Variants in ABCA1 observed in about 807,000 individuals in gnomAD.
ABCA1 encodes the protein phospholipid-transporting ATPase ABCA1.
Under a neutral mutation model 262.5 loss-of-function variants are expected in ABCA1, and 133 were observed. The ratio of observed to expected loss-of-function variants is 0.51; its 90% CI spans 0.44 to 0.59. ABCA1 has a LOEUF of 0.59. Among genes scored for constraint, ABCA1 ranks in the 20% least tolerant of loss-of-function variants. ABCA1 has a pLI of 0.00. For missense variants in ABCA1, 2,452 were observed against 2,777.5 expected (o/e 0.88, Z 2.63); for synonymous variants, 1,022 against 1,043.5 (o/e 0.98, Z 0.40).
chr9:104,871,116 GGGCTTGAGGGAGA>G (rs1281448502), intron 5 of ABCA1, among the ~76,000 whole-genome samples: 1 of 152,208 alleles, frequency 6.6e-6, no homozygotes, highest in Non-Finnish European at 1.5e-5. Context: ...CCCTATAAAA[GGGCTTGAGGGAGA>G]GGCTTCAGTC....
intron 1 of ABCA1, among the ~76,000 whole-genome samples, chr9:104,910,408 A>G (rs1841422576): frequency 6.6e-6 from 1 of 152,222 alleles, no homozygotes; most frequent in African/African-American, 2.4e-5. Flanking sequence ...CAACTCTTAT[A>G]TGCCCCTTCC....
intron 5 of ABCA1, among the ~76,000 whole-genome samples, chr9:104,862,679 C>A (rs1374948028): frequency 0.085 from 788 of 9,222 alleles, 182 homozygotes; most frequent in African/African-American, 0.15. Context: ...CGGGCCGGGC[C>A]GGGCCGGGCC....
At chr9:104,904,905 T>C (rs1456913304) in intron 1 of ABCA1, among the ~76,000 whole-genome samples, 1 of 152,176 alleles carries the variant, frequency 6.6e-6, no homozygotes, top group Non-Finnish European at 1.5e-5. Context: ...CTGTTTGCCA[T>C]GCTAGGGCAA....
intron 1 of ABCA1, among the ~76,000 whole-genome samples, chr9:104,920,315 T>C (rs1290583433): frequency 6.6e-6 from 1 of 152,224 alleles, no homozygotes; most frequent in Non-Finnish European, 1.5e-5. Context: ...CTGACAATTA[T>C]ATGCATATTT....
At chr9:104,815,506 G>T (rs1189284811) in intron 25 of ABCA1, among the ~76,000 whole-genome samples, 2 of 152,136 alleles carry the variant, frequency 1.3e-5, no homozygotes, top group Non-Finnish European at 2.9e-5. Flanking sequence ...GGACTTTGAA[G>T]CCCCAAACCC....
chr9:104,837,222 G>A, intron 10 of ABCA1, 126 bp from the exon 11 acceptor site: 1 of 1,052,710 alleles, frequency 9.5e-7, no homozygotes. Flanking sequence ...CCATCCCCAA[G>A]AAATGCCTGC....
At chr9:104,907,436 T>A (rs1409944628) in intron 1 of ABCA1, among the ~76,000 whole-genome samples, 1 of 152,198 alleles carries the variant, frequency 6.6e-6, no homozygotes, top group East Asian at 1.9e-4. Flanking sequence ...TTCATCCCTG[T>A]TTTCCTTAGT....
Position 104,824,592 on chromosome 9 carries a change from A to G in ABCA1, c.2543-14T>C, listed in dbSNP as rs200178340. ...TTCCGTACTGGCCTGAAAGCAAAGC[A>G]CAGGTATGAGCCAAGCTCAGCATCA... On this transcript the variant is annotated splice_polypyrimidine_tract_variant and intron_variant, in intron 17 of 49. Coordinates refer to ENST00000374736, the MANE Select transcript of ABCA1 (RefSeq NM_005502.4). 2 of 1,613,066 alleles carry G rather than the reference A, an allele frequency of 1.2e-6. No individual in the cohort carries two copies. The highest frequency in any genetic ancestry group is 3.3e-5 in the Admixed American group (2 of 60,010).
chr9:104,868,991 G>A (rs151088421), intron 5 of ABCA1, among the ~76,000 whole-genome samples: 24 of 151,998 alleles, frequency 1.6e-4, no homozygotes, highest in African/African-American at 5.5e-4. Context: ...GAGGAGGGAG[G>A]AGAGGGAAGA....
chr9:104,878,406 C>T (rs964229374), intron 5 of ABCA1, among the ~76,000 whole-genome samples: 15 of 152,174 alleles, frequency 9.9e-5, no homozygotes, highest in African/African-American at 2.9e-4. Context: ...GATTTGTCCA[C>T]GGCTTAATTC....
At chr9:104,852,036 G>C (rs1387614796) in intron 7 of ABCA1, among the ~76,000 whole-genome samples, 3 of 152,184 alleles carry the variant, frequency 2.0e-5, no homozygotes, top group Non-Finnish European at 4.4e-5. Flanking sequence ...TATTGGAATA[G>C]TATTTTCAAC....
At chr9:104,793,353 G>A in intron 40 of ABCA1, 53 bp from the exon 41 acceptor site, 2 of 1,613,102 alleles carry the variant, frequency 1.2e-6, no homozygotes, top group Non-Finnish European at 1.7e-6. Context: ...AAAAACCATG[G>A]CCCTTCCTCA....
rs553375570 is a variant in ABCA1 at position 104,813,450 on chromosome 9, G to T, written c.3901+668C>A. On this transcript the variant is annotated intron_variant, in intron 27 of 49. Coordinates refer to ENST00000374736, the MANE Select transcript of ABCA1 (RefSeq NM_005502.4). ...TTTTTGAGATGGAGTTTTCACTCTT[G>T]TTGCCCAGTCTGGAGTGCAATGGCG... 3.9e-5 allele frequency among the ~76,000 whole-genome samples: 6 copies of T among 151,910 alleles called. No homozygotes were observed. In the South Asian group the frequency reaches 6.3e-4, roughly 16 times the overall value.
chr9:104,815,395 T>G (rs954810544), intron 25 of ABCA1, among the ~76,000 whole-genome samples: 1 of 152,220 alleles, frequency 6.6e-6, no homozygotes, highest in Non-Finnish European at 1.5e-5. Context: ...ACTGTCAAGC[T>G]TGGAGACCAC....
In ABCA1 at chr9:104,798,613, C is replaced by A. The variant is rs571750277; in HGVS notation, c.4944-15G>T. ...ATGTGGTCATCCTGGAGAGAAAAAGCGTGTGAAAATCTGAGGGGTCTTTGA... is the reference window on the plus strand; with the variant it reads ...ATGTGGTCATCCTGGAGAGAAAAAGAGTGTGAAAATCTGAGGGGTCTTTGA... On this transcript the variant is annotated splice_polypyrimidine_tract_variant and intron_variant, in intron 36 of 49. Transcript: ENST00000374736. 7 of 1,612,412 alleles carry A rather than the reference C, an allele frequency of 4.3e-6. No homozygotes were observed. Among genetic ancestry groups the A allele is most frequent in the Admixed American group, 1.7e-5 (1 of 59,748 alleles).
intron 11 of ABCA1, among the ~76,000 whole-genome samples, chr9:104,833,469 A>AC (rs1833529062): frequency 6.6e-6 from 1 of 152,234 alleles, no homozygotes; most frequent in South Asian, 2.1e-4. Flanking sequence ...GGCACAAGCC[A>AC]CCAGCCCAGT....
chr9:104,894,140 C>T (rs1467290860), intron 2 of ABCA1, among the ~76,000 whole-genome samples: 2 of 152,164 alleles, frequency 1.3e-5, no homozygotes, highest in Admixed American at 6.5e-5. Flanking sequence ...CATCACAAAG[C>T]TATGTTTAGG....
In ABCA1 at chr9:104,882,028, T is replaced by TAAAAAAAAAAAAAAAA. The variant is rs557626075; in HGVS notation, c.421+995_421+1010dup. Among the ~76,000 whole-genome samples the TAAAAAAAAAAAAAAAA allele has an allele frequency of 5.2e-4, 38 of 73,750 alleles. 1 individual carries two copies. The East Asian group carries it at 5.6e-3, about 11-fold the overall frequency. The allele number at this position is 73,750 out of a possible 152,430, so 48.4% of individuals were successfully genotyped here. Reference sequence around the variant, plus strand: ...CAAGGAAAGCACAGTTCTGTAGCCTTAAAAAAAAAAAAAAAAAAAAAAAAA... The same window carrying TAAAAAAAAAAAAAAAA: ...CAAGGAAAGCACAGTTCTGTAGCCTTAAAAAAAAAAAAAAAAAAAAAAAAAAAAAAAAAAAAAAAAA... On this transcript the variant is annotated intron_variant, in intron 5 of 49. Transcript: ENST00000374736.
intron 29 of ABCA1, 111 bp downstream of exon 29, chr9:104,810,689 C>G: frequency 1.9e-6 from 3 of 1,543,622 alleles, no homozygotes; most frequent in Non-Finnish European, 2.7e-6. Context: ...TGAGCCGCAG[C>G]AGTAAAATTC....
Sources: gnomAD v4.1 joint callset for allele counts (sites outside exome capture counted in the v4.1 genomes callset) on GRCh38, gnomAD v4.1.1 for gene constraint, MANE v1.5 for transcripts, NCBI Gene and HGNC (gene_info 2026-07-23, HGNC 2026-07-21) for gene names.